The following VWC2 variants were observed in gnomAD, a reference collection of about 807,000 sequenced individuals.
VWC2 encodes von Willebrand factor C domain containing 2.
A neutral mutation model predicts 29.8 loss-of-function variants in VWC2; 14 were observed. The ratio of observed to expected loss-of-function variants is 0.47; its 90% confidence interval spans 0.31 to 0.74. The LOEUF is 0.74. VWC2 is among the 30% of genes least tolerant of loss of function. The probability of loss-of-function intolerance (pLI) is 0.05; values close to 1 mark genes in which losing one functional copy is unlikely to be tolerated. For synonymous variants in VWC2, 213 were observed against 199.0 expected (o/e 1.07, Z -0.59); for missense variants, 457 against 459.8 (o/e 0.99, Z 0.05).
At chr7:49,906,066 C>A (rs1239241009) in intron 3 of VWC2, among the ~76,000 whole-genome samples, 2 of 152,126 alleles carry the variant, frequency 1.3e-5, no homozygotes, top group Admixed American at 6.5e-5. Context: ...CAAGAAATAA[C>A]CATAAAAATG....
At chr7:49,788,541 GTA>G (rs1432264342) in intron 2 of VWC2, among the ~76,000 whole-genome samples, 1 of 150,692 alleles carries the variant, frequency 6.6e-6, no homozygotes, top group Non-Finnish European at 1.5e-5. Flanking sequence ...CAGTGTGAGT[GTA>G]TGTGTAAGTG....
chr7:49,785,138 A>G (rs947316334), intron 2 of VWC2, among the ~76,000 whole-genome samples: 3 of 152,244 alleles, frequency 2.0e-5, no homozygotes, highest in African/African-American at 4.8e-5. Flanking sequence ...AATGATATCA[A>G]TCCCATGGAA....
chr7:49,919,204 C>T lies in VWC2; in HGVS notation c.*7019C>T, dbSNP rs1793891039. On this transcript the variant is annotated 3_prime_UTR_variant, in exon 4 of 4. Transcript: ENST00000340652. ...GGAGCAGCTGTGAGTCTTACTGAAT[C>T]GATTTATTCATTGCATTCTATGTGT... 1 of 152,082 alleles carries T rather than the reference C, an allele frequency of 6.6e-6. No homozygotes were observed. The highest frequency in any genetic ancestry group is 6.6e-5 in the Admixed American group (1 of 15,262). The allele number at this position is 152,082 out of a possible 1,614,324, so 9.4% of individuals were successfully genotyped here.
intron 2 of VWC2, among the ~76,000 whole-genome samples, chr7:49,800,922 T>C (rs964348911): frequency 6.6e-6 from 1 of 151,632 alleles, no homozygotes; most frequent in South Asian, 2.1e-4. Context: ...AACAGGCCTT[T>C]ATATTACTTC....
rs113662194 is a variant in VWC2, at chr7:49,773,687, C to G, written c.-530C>G. On this transcript the variant is annotated 5_prime_UTR_variant, in exon 1 of 4. Coordinates refer to ENST00000340652, the MANE Select transcript of VWC2 (RefSeq NM_198570.5). Reference sequence around the variant, plus strand: ...GTGCCACTCGCGCGCCGGCCGCGCTCCGGGCTTCTCTTTTCCCTCCGACGC... The same window carrying G: ...GTGCCACTCGCGCGCCGGCCGCGCTGCGGGCTTCTCTTTTCCCTCCGACGC... 5.2e-5 allele frequency: 8 copies of G among 152,388 alleles called. No homozygotes were observed. Among genetic ancestry groups the G allele is most frequent in the East Asian group, 3.9e-4 (2 of 5,168 alleles). 9.4% of individuals were successfully genotyped at this position (152,388 alleles called of 1,614,324 possible).
At position 49,919,720 on chromosome 7, in the gene VWC2, G is replaced by A. The variant is rs951804447; in HGVS notation, c.*7535G>A. ...TCCAAACAATAACAGCAATGGTGAA[G>A]GTTGTGGGTGGACAGAGGTAGTCCC... On this transcript the variant is annotated 3_prime_UTR_variant, in exon 4 of 4. Transcript: ENST00000340652. 2.0e-5 allele frequency: 3 copies of A among 152,326 alleles called. No homozygotes were observed. Among genetic ancestry groups the A allele is most frequent in the Admixed American group, 2.0e-4 (3 of 15,270 alleles). 9.4% of individuals were successfully genotyped at this position (152,326 alleles called of 1,614,324 possible).
At chr7:49,822,897 A>C (rs1038551136) in intron 3 of VWC2, among the ~76,000 whole-genome samples, 2 of 152,180 alleles carry the variant, frequency 1.3e-5, no homozygotes, top group Admixed American at 6.5e-5. Context: ...AGCACACTTC[A>C]TTCATTTACT....
At chr7:49,830,327 G>C (rs1789496422) in intron 3 of VWC2, among the ~76,000 whole-genome samples, 1 of 152,130 alleles carries the variant, frequency 6.6e-6, no homozygotes, top group Non-Finnish European at 1.5e-5. Flanking sequence ...CTTCACTGGG[G>C]GGTGATGAGG....
rs576428760 is a variant in VWC2, at chr7:49,783,476, G to T, written c.696+7345G>T. On this transcript the variant is annotated intron_variant, in intron 2 of 3. Transcript: ENST00000340652. ...GTAACAACTGTGAGTTTGCATGAAGGATATGGCTTCCCACCCAGGCCTACC... is the reference window on the plus strand; with the variant it reads ...GTAACAACTGTGAGTTTGCATGAAGTATATGGCTTCCCACCCAGGCCTACC... Among the ~76,000 whole-genome samples the T allele has an allele frequency of 2.6e-3, 392 of 152,294 alleles. 3 individuals carry two copies. Among genetic ancestry groups the T allele is most frequent in the African/African-American group, 8.9e-3 (368 of 41,554 alleles).
At chr7:49,802,326 C>T (rs895178703) in intron 2 of VWC2, among the ~76,000 whole-genome samples, 6 of 150,958 alleles carry the variant, frequency 4.0e-5, no homozygotes, top group Non-Finnish European at 5.9e-5. Context: ...TAGGTGTCTT[C>T]GCAGAAAGTT....
intron 3 of VWC2, among the ~76,000 whole-genome samples, chr7:49,894,631 T>G (rs1364679398): frequency 6.6e-6 from 1 of 152,162 alleles, no homozygotes; most frequent in East Asian, 1.9e-4. Flanking sequence ...GACCCTAGGG[T>G]GAGGCTGCAG....
Position 49,855,229 on chromosome 7 carries a change from G to C in VWC2, c.826+52389G>C, listed in dbSNP as rs999595520. Among the ~76,000 whole-genome samples the C allele has an allele frequency of 4.6e-5, 7 of 152,284 alleles. No homozygotes were observed. The East Asian group carries it at 1.2e-3, about 25-fold the overall frequency. The stretch of plus-strand genomic sequence containing the variant: ...CTTTTTCTCATGTCTCTGAAAATGG[G>C]ATATGTTTTACAATAAATGGTTGAG... On this transcript the variant is annotated intron_variant, in intron 3 of 3. Coordinates refer to ENST00000340652, the MANE Select transcript of VWC2 (RefSeq NM_198570.5).
At chr7:49,901,277 G>C (rs899739329) in intron 3 of VWC2, 1 of 151,748 alleles carries the variant, frequency 6.6e-6, no homozygotes, top group Non-Finnish European at 1.5e-5. Context: ...AAATAAAACT[G>C]TCTTTGTTTG....
chr7:49,803,391 G>A (rs183504461), intron 3 of VWC2, among the ~76,000 whole-genome samples: 1 of 152,314 alleles, frequency 6.6e-6, no homozygotes, highest in Admixed American at 6.5e-5. Context: ...GACAAACGAT[G>A]ATTACTCTGT....
At chr7:49,816,243 A>G (rs1404130588) in intron 3 of VWC2, among the ~76,000 whole-genome samples, 1 of 152,230 alleles carries the variant, frequency 6.6e-6, no homozygotes, top group Admixed American at 6.5e-5. Flanking sequence ...TGAGTCAATG[A>G]CAAGCCAAAG....
chr7:49,812,417 T>C (rs1234028076), intron 3 of VWC2, among the ~76,000 whole-genome samples: 1 of 152,196 alleles, frequency 6.6e-6, no homozygotes, highest in Non-Finnish European at 1.5e-5. Context: ...TTGATACACA[T>C]CCTTTATCTT....
intron 3 of VWC2, among the ~76,000 whole-genome samples, chr7:49,852,754 T>G (rs1790233327): frequency 6.6e-6 from 1 of 152,134 alleles, no homozygotes; most frequent in South Asian, 2.1e-4. Flanking sequence ...TTAATCAACT[T>G]CTTCCAAACC....
chr7:49,874,803 A>G lies in VWC2; in HGVS notation c.827-37231A>G, dbSNP rs373683889. On this transcript the variant is annotated intron_variant, in intron 3 of 3. Coordinates refer to ENST00000340652, the MANE Select transcript of VWC2 (RefSeq NM_198570.5). Reference sequence around the variant, plus strand: ...CAGGAGCCTCACGTCTCACTTGTCTATCCTTTTCCTACTTCAGTAAAGATT... The same window carrying G: ...CAGGAGCCTCACGTCTCACTTGTCTGTCCTTTTCCTACTTCAGTAAAGATT... Among the ~76,000 whole-genome samples, 5 of 152,266 alleles carry G rather than the reference A, an allele frequency of 3.3e-5. No homozygotes were observed. The East Asian group carries it at 5.8e-4, about 18-fold the overall frequency.
intron 3 of VWC2, among the ~76,000 whole-genome samples, chr7:49,851,013 A>G (rs1015454159): frequency 6.6e-6 from 1 of 152,182 alleles, no homozygotes; most frequent in Admixed American, 6.5e-5. Flanking sequence ...CTCGTCCGCA[A>G]TTCTGCAGGC....
Sources: gnomAD v4.1 joint callset for allele counts (sites outside exome capture counted in the v4.1 genomes callset) on GRCh38, gnomAD v4.1.1 for gene constraint, MANE v1.5 for transcripts, NCBI Gene and HGNC (gene_info 2026-07-23, HGNC 2026-07-21) for gene names.